Variants in C15orf40 observed in about 807,000 individuals in gnomAD.
C15orf40 encodes UPF0235 protein C15orf40.
A neutral mutation model predicts 13.9 loss-of-function variants in C15orf40; 9 were observed. That is an observed-to-expected ratio of 0.65 (90% CI 0.39 to 1.13). C15orf40 has a LOEUF of 1.13. Ranked by LOEUF, C15orf40 falls within the 50% of genes most tolerant of loss-of-function variation. The probability of loss-of-function intolerance (pLI) is 0.01; values close to 1 mark genes in which losing one functional copy is unlikely to be tolerated. For missense variants in C15orf40, 225 were observed against 188.5 expected, an observed-to-expected ratio of 1.19 and a Z score of -1.13; for synonymous variants, 95 against 69.2, an observed-to-expected ratio of 1.37 and a Z score of -1.85.
Position 83,004,853 on chromosome 15 carries a change from C to G in C15orf40, c.*744G>C. The G allele has an allele frequency of 7.7e-7, 1 of 1,295,274 alleles. No homozygotes were observed. The highest frequency in any genetic ancestry group is 1.3e-5 in the South Asian group (1 of 79,180). The allele number at this position is 1,295,274 out of a possible 1,614,324, so 80.2% of individuals were successfully genotyped here. On this transcript the variant is annotated 3_prime_UTR_variant, in exon 4 of 4. Coordinates refer to ENST00000304177, the MANE Select transcript of C15orf40 (RefSeq NM_144597.3). ...AAGGCAATCCCCAGAATTCCAGAAC[C>G]GTTGTGGAGATATGATTTTTAATTT...
chr15:82,989,843 A>G (rs1363638610), downstream of C15orf40: 4 of 1,601,934 alleles, frequency 2.5e-6, no homozygotes, highest in Middle Eastern at 1.7e-4. Context: ...TTTTTTAACA[A>G]GGGAAGTTTA....
Position 82,996,314 on chromosome 15 carries a change from T to C in C15orf40, c.*9283A>G, listed in dbSNP as rs2031070790. ...AGCTTTGTTGTTTGTGTGTGTATTT[T>C]TCTCATTTTAAAATTTCCTCAACTT... On this transcript the variant is annotated 3_prime_UTR_variant, in exon 4 of 4. Coordinates refer to ENST00000304177, the MANE Select transcript of C15orf40 (RefSeq NM_144597.3). The C allele has an allele frequency of 6.6e-6, 1 of 152,234 alleles. No individual in the cohort carries two copies. The highest frequency in any genetic ancestry group is 1.5e-5 in the Non-Finnish European group (1 of 68,046). The allele number at this position is 152,234 out of a possible 1,614,324, so 9.4% of individuals were successfully genotyped here.
downstream of C15orf40, chr15:82,989,059 T>C (rs1337638666): frequency 1.9e-6 from 3 of 1,613,686 alleles, no homozygotes; most frequent in South Asian, 3.3e-5. Context: ...TTTGAAGAGA[T>C]GTTTGCTAGT....
chr15:82,997,249 A>G lies in C15orf40; in HGVS notation c.*8348T>C, dbSNP rs547794942. 33 of 140,120 alleles carry G rather than the reference A, an allele frequency of 2.4e-4. No individual in the cohort carries two copies. The highest frequency in any genetic ancestry group is 9.0e-4 in the African/African-American group (33 of 36,716). The allele number at this position is 140,120 out of a possible 1,614,324, so 8.7% of individuals were successfully genotyped here. ...TTTTTTAATTTATTTTTTTATTGAT[A>G]ATTCTTGGGTGTTTCTCACAGAGGG... On this transcript the variant is annotated 3_prime_UTR_variant, in exon 4 of 4. Coordinates refer to ENST00000304177, the MANE Select transcript of C15orf40 (RefSeq NM_144597.3).
At chr15:83,008,715 C>T (rs190463970) in intron 2 of C15orf40, 40 bp from the exon 3 acceptor site, 21 of 1,537,374 alleles carry the variant, frequency 1.4e-5, no homozygotes, top group Non-Finnish European at 1.8e-5. Flanking sequence ...TTAAGGAGTT[C>T]TTTTTCTTCA....
Position 83,010,279 on chromosome 15 carries a change from C to T in C15orf40, c.196G>A (p.Ala66Thr), listed in dbSNP as rs367557181. The T allele has an allele frequency of 1.5e-5, 24 of 1,614,104 alleles. No individual in the cohort carries two copies. Among genetic ancestry groups the T allele is most frequent in the Non-Finnish European group, 1.9e-5 (23 of 1,180,038 alleles). ...AVDPKGCVTI[A>T]IHAKPGSKQN... ...TTGGAGCCAGGTTTTGCATGGATGGCTATGGTGACGCATCCTTTAGGATCA... is the reference window on the plus strand; with the variant it reads ...TTGGAGCCAGGTTTTGCATGGATGGTTATGGTGACGCATCCTTTAGGATCA... Residue 66 changes from alanine (A) to threonine (T), a missense_variant, in exon 2 of 4, where the codon GCC (alanine) becomes ACC (threonine). Physicochemically the swap from Ala to Thr is moderately conservative, Grantham distance 58. Transcript: ENST00000304177.
Position 83,004,451 on chromosome 15 carries a change from T to C in C15orf40, c.*1146A>G. ...TTTAATAAATTACTATAACTTGACC[T>C]GAAGATGTAAAAATATATTATTAGC... On this transcript the variant is annotated 3_prime_UTR_variant, in exon 4 of 4. Coordinates refer to ENST00000304177, the MANE Select transcript of C15orf40 (RefSeq NM_144597.3). 1.2e-6 allele frequency: 1 copy of C among 854,614 alleles called. No individual in the cohort carries two copies. Among genetic ancestry groups the C allele is most frequent in the Non-Finnish European group, 1.4e-6 (1 of 710,596 alleles). The allele number at this position is 854,614 out of a possible 1,614,324, so 52.9% of individuals were successfully genotyped here.
In C15orf40 at chr15:83,005,224, T is replaced by C. The variant is rs2031610228; in HGVS notation, c.*373A>G. ...TGTTCTTCTGTGCATGTAGTATATT[T>C]TTCTATTTAACAGCCTCTTCACCAT... On this transcript the variant is annotated 3_prime_UTR_variant, in exon 4 of 4. Transcript: ENST00000304177. 3.9e-6 allele frequency: 4 copies of C among 1,019,690 alleles called. No individual in the cohort carries two copies. Among genetic ancestry groups the C allele is most frequent in the South Asian group, 7.4e-5 (2 of 27,122 alleles). The allele number at this position is 1,019,690 out of a possible 1,614,324, so 63.2% of individuals were successfully genotyped here.
rs1333117010 is a variant in C15orf40 at position 83,005,012 on chromosome 15, G to C, written c.*585C>G. On this transcript the variant is annotated 3_prime_UTR_variant, in exon 4 of 4. Coordinates refer to ENST00000304177, the MANE Select transcript of C15orf40 (RefSeq NM_144597.3). ...TCAAAGGCCCCCCAACAGAATGAAA[G>C]GTGTTAAATCAGGTCATCTTGAATA... The C allele has an allele frequency of 2.4e-6, 3 of 1,247,156 alleles. No individual in the cohort carries two copies. The Admixed American group carries it at 7.6e-5, about 32-fold the overall frequency. 77.3% of individuals were successfully genotyped at this position (1,247,156 alleles called of 1,614,324 possible). A position where few individuals can be genotyped will look rare whatever the true frequency, so the allele number is the denominator to read the frequency against.
chr15:82,994,068 G>T (rs890768008), downstream of C15orf40, among the ~76,000 whole-genome samples: 5 of 152,108 alleles, frequency 3.3e-5, no homozygotes, highest in Non-Finnish European at 5.9e-5. Flanking sequence ...ATAGGAAAAA[G>T]ACATCTGGGG....
chr15:83,011,059 G>A, intron 1 of C15orf40: 1 of 161,186 alleles, frequency 6.2e-6, no homozygotes, highest in Non-Finnish European at 1.4e-5. Flanking sequence ...ACGGACTGGG[G>A]TTGGCCAAAC....
intron 1 of C15orf40, 198 bp from the exon 2 acceptor site, chr15:83,010,561 A>C: frequency 1.8e-6 from 1 of 553,244 alleles, no homozygotes; most frequent in Non-Finnish European, 3.1e-6. Context: ...GTTCCCATCA[A>C]CCCAACAGTG....
In C15orf40 at chr15:83,005,566, G is replaced by A. The variant is rs763329027; in HGVS notation, c.*31C>T. ...CCCAAAGTGCTGGGATTACAGGCAT[G>A]AGCCACTGCGCCCGGCCTCATTTCT... On this transcript the variant is annotated 3_prime_UTR_variant, in exon 4 of 4. Coordinates refer to ENST00000304177, the MANE Select transcript of C15orf40 (RefSeq NM_144597.3). 3.2e-6 allele frequency: 5 copies of A among 1,577,260 alleles called. No individual in the cohort carries two copies. The highest frequency in any genetic ancestry group is 1.4e-5 in the African/African-American group (1 of 73,654).
At chr15:82,993,657 AC>A (rs1395977100), downstream of C15orf40, among the ~76,000 whole-genome samples, 1 of 152,116 alleles carries the variant, frequency 6.6e-6, no homozygotes, top group African/African-American at 2.4e-5. Context: ...TATGAAAAAT[AC>A]AAAAATTAGC....
At chr15:83,010,138 T>C in intron 2 of C15orf40, 99 bp downstream of exon 2, 1 of 1,470,454 alleles carries the variant, frequency 6.8e-7, no homozygotes, top group East Asian at 2.3e-5. Flanking sequence ...ATGTGAAAAA[T>C]CAACTGTCAT....
rs1189128005 is a variant in C15orf40 at position 82,997,987 on chromosome 15, C to A, written c.*7610G>T. ...CTGACCCCCCCACCTCCCTCCCGGA[C>A]GGGGCGGCTGGCCAGGCGGGGGGCT... On this transcript the variant is annotated 3_prime_UTR_variant, in exon 4 of 4. Transcript: ENST00000304177. 4.3e-5 allele frequency: 6 copies of A among 137,978 alleles called. No individual in the cohort carries two copies. In the East Asian group the frequency reaches 1.4e-3, roughly 31 times the overall value. The allele number at this position is 137,978 out of a possible 1,614,324, so 8.5% of individuals were successfully genotyped here.
rs187896426 is a variant in C15orf40, at chr15:83,004,256, G to A, written c.*1341C>T. On this transcript the variant is annotated 3_prime_UTR_variant, in exon 4 of 4. Transcript: ENST00000304177. Reference sequence around the variant, plus strand: ...CTTCCAAAGCGCTGGGATTACAGGCGTGAGCCACCAAGCCCAGCTACCATC... The same window carrying A: ...CTTCCAAAGCGCTGGGATTACAGGCATGAGCCACCAAGCCCAGCTACCATC... 5.3e-4 allele frequency: 492 copies of A among 927,150 alleles called. 7 individuals carry two copies. The South Asian group carries it at 0.012, about 22-fold the overall frequency. The allele number at this position is 927,150 out of a possible 1,614,324, so 57.4% of individuals were successfully genotyped here.
rs970258677 is a variant in C15orf40 at position 83,003,762 on chromosome 15, T to TC, written c.*1834_*1835insG. On this transcript the variant is annotated 3_prime_UTR_variant, in exon 4 of 4. Transcript: ENST00000304177. ...CACTGTCTGGGATTTTTTCTTTCTT[T>TC]TTGAGACGGAGTCTCACTCTTGTCG... is the stretch of plus-strand genomic sequence containing the variant. 7 of 152,192 alleles carry TC rather than the reference T, an allele frequency of 4.6e-5. No individual in the cohort carries two copies. Among genetic ancestry groups the TC allele is most frequent in the African/African-American group, 1.7e-4 (7 of 41,438 alleles). The allele number at this position is 152,192 out of a possible 1,614,324, so 9.4% of individuals were successfully genotyped here. A position where few individuals can be genotyped will look rare whatever the true frequency, so the allele number is the denominator to read the frequency against.
downstream of C15orf40, chr15:82,989,983 C>T (rs763956639): frequency 1.9e-6 from 3 of 1,604,702 alleles, no homozygotes; most frequent in Non-Finnish European, 2.6e-6. Context: ...GTAACAACTA[C>T]CCGCAACACA....
Sources: allele counts gnomAD v4.1 joint callset (sites outside exome capture counted in the v4.1 genomes callset), GRCh38; gene constraint gnomAD v4.1.1; transcripts MANE v1.5; gene names NCBI Gene and HGNC (gene_info 2026-07-23, HGNC 2026-07-21).